Variants in CLTB observed in about 807,000 individuals in gnomAD.
The protein encoded by CLTB is clathrin light chain B.
Under a neutral mutation model 30.5 loss-of-function variants are expected in CLTB, and 10 were observed. That is an observed-to-expected ratio of 0.33 (90% CI 0.20 to 0.56). CLTB has a LOEUF of 0.56. CLTB is among the 20% of genes least tolerant of loss of function. The pLI is 0.91. For missense variants in CLTB, 261 were observed against 308.3 expected (o/e 0.85, Z 1.15); for synonymous variants, 102 against 120.3 (o/e 0.85, Z 1.00).
chr5:176,397,205 T>G (rs1756564671), intron 4 of CLTB, among the ~76,000 whole-genome samples: 1 of 152,108 alleles, frequency 6.6e-6, no homozygotes. Context: ...GAAGGGTAGC[T>G]TCCCAGAACA....
At chr5:176,411,405 G>A (rs892509405) in intron 1 of CLTB, among the ~76,000 whole-genome samples, 1 of 152,150 alleles carries the variant, frequency 6.6e-6, no homozygotes, top group Non-Finnish European at 1.5e-5. Context: ...TCCTGCCTTG[G>A]GGACTTTGCA....
chr5:176,404,813 T>C (rs1689719007), intron 2 of CLTB, among the ~76,000 whole-genome samples: 1 of 152,138 alleles, frequency 6.6e-6, no homozygotes. Context: ...CTCTGTGGCT[T>C]TGCACATGCT....
chr5:176,408,578 T>C (rs1757255650), intron 2 of CLTB, among the ~76,000 whole-genome samples: 10 of 150,558 alleles, frequency 6.6e-5, no homozygotes, highest in Admixed American at 6.6e-4. Context: ...CTAAGTGTAG[T>C]AGTGTAATCA....
intron 2 of CLTB, chr5:176,401,848 T>TCA (rs1561795063): frequency 4.5e-6 from 2 of 448,010 alleles, no homozygotes; most frequent in Non-Finnish European, 9.0e-6. Flanking sequence ...GTGCAAGTCA[T>TCA]CAGCAGGGCC....
Position 176,410,316 on chromosome 5 carries a change from C to A in CLTB, c.188-13G>T. On this transcript the variant is annotated splice_polypyrimidine_tract_variant and intron_variant, in intron 1 of 5. Transcript: ENST00000310418. ...TCCTCAGAACCAGCTGGAAAGAGAACAAGGAGATAGCATTACTCACTGTTT... is the reference window on the plus strand; with the variant it reads ...TCCTCAGAACCAGCTGGAAAGAGAAAAAGGAGATAGCATTACTCACTGTTT... The A allele has an allele frequency of 6.2e-7, 1 of 1,613,070 alleles. No homozygotes were observed. The highest frequency in any genetic ancestry group is 1.1e-5 in the South Asian group (1 of 90,970).
chr5:176,415,218 C>T (rs1371566862), intron 1 of CLTB, among the ~76,000 whole-genome samples: 1 of 152,204 alleles, frequency 6.6e-6, no homozygotes, highest in African/African-American at 2.4e-5. Context: ...ATCATAATAG[C>T]CCCGGACCAC....
At chr5:176,408,402 G>A (rs986538841) in intron 2 of CLTB, among the ~76,000 whole-genome samples, 2 of 152,020 alleles carry the variant, frequency 1.3e-5, no homozygotes, top group Non-Finnish European at 2.9e-5. Flanking sequence ...TAGGCGTGGT[G>A]GCGGGTGCCT....
intron 2 of CLTB, among the ~76,000 whole-genome samples, chr5:176,400,112 A>G (rs997655087): frequency 3.3e-5 from 5 of 150,550 alleles, no homozygotes; most frequent in African/African-American, 7.3e-5. Context: ...AATCACTTGA[A>G]TCCGGGGCGG....
At chr5:176,402,696 T>C (rs1355577213) in intron 2 of CLTB, among the ~76,000 whole-genome samples, 1 of 152,202 alleles carries the variant, frequency 6.6e-6, no homozygotes, top group Non-Finnish European at 1.5e-5. Flanking sequence ...ATGTTCAGGC[T>C]TGGGGACAGG....
Position 176,396,465 on chromosome 5 carries a change from A to G in CLTB, c.518+14T>C. 1 of 1,612,462 alleles carries G rather than the reference A, an allele frequency of 6.2e-7. No individual in the cohort carries two copies. The highest frequency in any genetic ancestry group is 1.1e-5 in the South Asian group (1 of 91,044). On this transcript the variant is annotated intron_variant, in intron 5 of 5. Coordinates refer to ENST00000310418, the MANE Select transcript of CLTB (RefSeq NM_007097.5). ...CTCTAGCTCCCCCAACAGAGAAGCA[A>G]AACAGACACGTACACGTAGCCGATG...
chr5:176,404,121 AG>A (rs753984616), intron 2 of CLTB, among the ~76,000 whole-genome samples: 53 of 152,366 alleles, frequency 3.5e-4, no homozygotes, highest in Non-Finnish European at 4.3e-4. Context: ...TCACCCAGCC[AG>A]GAAGTGGCAG....
chr5:176,408,812 GC>G (rs1324624978), intron 2 of CLTB, among the ~76,000 whole-genome samples: 1 of 152,174 alleles, frequency 6.6e-6, no homozygotes, highest in Non-Finnish European at 1.5e-5. Context: ...AAGCCGCCGT[GC>G]CCGGCTGGGT....
In CLTB at chr5:176,392,816, G is replaced by A. The variant is rs1163636513; in HGVS notation, c.648C>T (p.Arg216=). ...SKQCKDVSRL[R]SVLMSLKQTP... is the part of the protein sequence containing the mutation. Reference sequence around the variant, plus strand: ...TCTGCTTCAGGGACATGAGCACCGAGCGCAGGCGGGACACATCTTTGCACT... The same window carrying A: ...TCTGCTTCAGGGACATGAGCACCGAACGCAGGCGGGACACATCTTTGCACT... Residue 216 remains arginine (R), a synonymous_variant, in exon 6 of 6, where the codon CGC becomes CGT. Coordinates refer to ENST00000310418, the MANE Select transcript of CLTB (RefSeq NM_007097.5). The surrounding 1 kb of genome is among the most constrained non-coding windows in gnomAD (Gnocchi z 5.2). The A allele has an allele frequency of 1.2e-6, 2 of 1,614,256 alleles. No individual in the cohort carries two copies. The highest frequency in any genetic ancestry group is 4.5e-5 in the East Asian group (2 of 44,888).
intron 2 of CLTB, among the ~76,000 whole-genome samples, chr5:176,409,372 TC>T (rs1303597548): frequency 6.8e-6 from 1 of 147,108 alleles, no homozygotes; most frequent in Admixed American, 6.8e-5. Context: ...ATTGTGGACA[TC>T]TTTTCACGTC....
Position 176,406,380 on chromosome 5 carries a change from T to C in CLTB, c.234+3877A>G, listed in dbSNP as rs1219050166. Reference sequence around the variant, plus strand: ...GGGGCCCCTCTGCTGGGCCCACCCATGAGAACCTCTGTGGACCCACACCAG... The same window carrying C: ...GGGGCCCCTCTGCTGGGCCCACCCACGAGAACCTCTGTGGACCCACACCAG... On this transcript the variant is annotated intron_variant, in intron 2 of 5. Transcript: ENST00000310418. 1.1e-5 allele frequency: 12 copies of C among 1,133,266 alleles called. No homozygotes were observed. In the Admixed American group the frequency reaches 1.3e-4, roughly 13 times the overall value. 70.2% of individuals were successfully genotyped at this position (1,133,266 alleles called of 1,614,324 possible). A position where few individuals can be genotyped will look rare whatever the true frequency, so the allele number is the denominator to read the frequency against.
intron 2 of CLTB, chr5:176,405,511 AAAAG>A (rs1190910678): frequency 6.6e-6 from 1 of 151,846 alleles, no homozygotes; most frequent in South Asian, 2.1e-4. Flanking sequence ...AAAAAAAAGA[AAAAG>A]AAAAAGAAAA....
intron 1 of CLTB, among the ~76,000 whole-genome samples, 170 bp downstream of exon 1, chr5:176,416,007 C>A (rs1436981423): frequency 6.6e-6 from 1 of 152,232 alleles, no homozygotes; most frequent in Non-Finnish European, 1.5e-5. Context: ...GAGGCCTCAT[C>A]CCCAGCTCGG....
intron 2 of CLTB, among the ~76,000 whole-genome samples, chr5:176,409,632 C>G (rs778020310): frequency 2.7e-4 from 41 of 151,996 alleles, no homozygotes; most frequent in Middle Eastern, 3.4e-3. Context: ...CCAGGCTGGT[C>G]TTGAACTCTG....
At chr5:176,411,239 C>T (rs1757414271) in intron 1 of CLTB, among the ~76,000 whole-genome samples, 1 of 152,196 alleles carries the variant, frequency 6.6e-6, no homozygotes, top group Admixed American at 6.5e-5. Context: ...GCCCCCTTGA[C>T]TCCAGCCTCT....
Sources: allele counts gnomAD v4.1 joint callset (sites outside exome capture counted in the v4.1 genomes callset), GRCh38; gene constraint gnomAD v4.1.1; non-coding constraint Gnocchi (gnomAD v3.1); transcripts MANE v1.5; gene names NCBI Gene and HGNC (gene_info 2026-07-23, HGNC 2026-07-21).